Variants in CCNT2 observed in about 807,000 individuals in gnomAD.
The protein encoded by CCNT2 is cyclin-T2.
CCNT2 carries 18 observed loss-of-function variants against 70.0 expected under a neutral mutation model. The observed-to-expected ratio is 0.26, with a 90% CI of 0.18 to 0.38. The LOEUF (loss-of-function observed/expected upper bound fraction) is 0.38, where lower values mean the gene tolerates loss of function less well. CCNT2 is among the 10% of genes least tolerant of loss of function. The pLI is 1.00. For synonymous variants in CCNT2, 334 were observed against 313.3 expected (o/e 1.07, Z -0.70); for missense variants, 734 against 890.2 (o/e 0.82, Z 2.23).
At chr2:134,922,698 C>G (rs1679999795) in intron 2 of CCNT2, among the ~76,000 whole-genome samples, 1 of 152,134 alleles carries the variant, frequency 6.6e-6, no homozygotes, top group Admixed American at 6.5e-5. Flanking sequence ...AAGGTATATA[C>G]TGAGGGAAAG....
chr2:134,938,583 T>C (rs1471917563), intron 3 of CCNT2, among the ~76,000 whole-genome samples: 1 of 152,188 alleles, frequency 6.6e-6, no homozygotes, highest in East Asian at 1.9e-4. Flanking sequence ...TTTTGAGGAA[T>C]TACCACATGA....
intron 2 of CCNT2, among the ~76,000 whole-genome samples, chr2:134,926,421 T>C (rs1356031027): frequency 1.3e-5 from 2 of 152,200 alleles, no homozygotes; most frequent in Non-Finnish European, 2.9e-5. Flanking sequence ...CTTCTTCCTA[T>C]CTTGCTGATT....
chr2:134,932,732 T>G (rs1458849408), intron 2 of CCNT2, among the ~76,000 whole-genome samples: 4 of 152,250 alleles, frequency 2.6e-5, no homozygotes, highest in Non-Finnish European at 4.4e-5. Flanking sequence ...TGCTGGAATT[T>G]TGGTTTGATA....
In CCNT2 at chr2:134,951,772, A is replaced by G. The variant is rs192963296; in HGVS notation, c.704-869A>G. ...CCTGGTACTAACATCTTACATAACAATATATGATTATCAAAACTAGGAAGT... is the reference window on the plus strand; with the variant it reads ...CCTGGTACTAACATCTTACATAACAGTATATGATTATCAAAACTAGGAAGT... On this transcript the variant is annotated intron_variant, in intron 7 of 8. Transcript: ENST00000264157. 5.3e-5 allele frequency among the ~76,000 whole-genome samples: 8 copies of G among 152,324 alleles called. No homozygotes were observed. In the East Asian group the frequency reaches 1.5e-3, roughly 29 times the overall value.
chr2:134,933,464 G>A (rs1211244835), intron 2 of CCNT2, among the ~76,000 whole-genome samples: 3 of 152,096 alleles, frequency 2.0e-5, no homozygotes, highest in African/African-American at 7.2e-5. Flanking sequence ...AGCAGAGAGG[G>A]GAGACAGCAG....
intron 2 of CCNT2, chr2:134,920,155 G>C: frequency 3.3e-6 from 1 of 299,556 alleles, no homozygotes. Context: ...TTATTACATA[G>C]GTTTTCTTCA....
chr2:134,953,849 A>G lies in CCNT2; in HGVS notation c.1394A>G (p.His465Arg). The G allele has an allele frequency of 6.2e-7, 1 of 1,614,178 alleles. No individual in the cohort carries two copies. Among genetic ancestry groups the G allele is most frequent in the South Asian group, 1.1e-5 (1 of 91,088 alleles). ...HYIAAQVEQQ[H>R]KQGQSQAASS... Reference sequence around the variant, plus strand: ...ATAGCTGCCCAGGTAGAACAGCAGCACAAACAAGGGCAGTCACAGGCAGCC... The same window carrying G: ...ATAGCTGCCCAGGTAGAACAGCAGCGCAAACAAGGGCAGTCACAGGCAGCC... Residue 465 changes from histidine (H) to arginine (R), a missense_variant, in exon 9 of 9, where the codon CAC becomes CGC. Transcript: ENST00000264157.
chr2:134,947,367 T>G (rs905208738), intron 6 of CCNT2, among the ~76,000 whole-genome samples: 2 of 152,170 alleles, frequency 1.3e-5, no homozygotes, highest in African/African-American at 4.8e-5. Context: ...CATTTACATA[T>G]TTACCATGAC....
intron 4 of CCNT2, among the ~76,000 whole-genome samples, chr2:134,939,948 T>C (rs997670207): frequency 1.3e-5 from 2 of 152,196 alleles, no homozygotes; most frequent in Admixed American, 6.5e-5. Context: ...AAGAACCTAC[T>C]AGGATGTGGT....
chr2:134,920,793 A>G (rs1328145452), intron 2 of CCNT2, among the ~76,000 whole-genome samples: 1 of 152,222 alleles, frequency 6.6e-6, no homozygotes, highest in Non-Finnish European at 1.5e-5. Context: ...GTGGATAGTC[A>G]TTAGGACTTA....
intron 2 of CCNT2, among the ~76,000 whole-genome samples, chr2:134,921,774 C>A (rs1207394691): frequency 6.6e-6 from 1 of 152,222 alleles, no homozygotes; most frequent in Admixed American, 6.5e-5. Flanking sequence ...CATTTGCATT[C>A]TAGCTTTCAC....
In CCNT2 at chr2:134,939,161, G is replaced by A. The variant is rs1681379536; in HGVS notation, c.430+99G>A. ...TGAAATAATTGTATTATTGAAGAAA[G>A]TTATTTTAAAACAGGTTTTAGACAG... On this transcript the variant is annotated intron_variant, in intron 4 of 8. Transcript: ENST00000264157. 23 of 884,150 alleles carry A rather than the reference G, an allele frequency of 2.6e-5. No homozygotes were observed. In the South Asian group the frequency reaches 3.6e-4, roughly 14 times the overall value. 54.8% of individuals were successfully genotyped at this position (884,150 alleles called of 1,614,324 possible). A position where few individuals can be genotyped will look rare whatever the true frequency, so the allele number is the denominator to read the frequency against.
At chr2:134,920,038 G>A (rs1679771905) in intron 2 of CCNT2, 147 bp downstream of exon 2, 2 of 540,204 alleles carry the variant, frequency 3.7e-6, no homozygotes, top group Non-Finnish European at 6.5e-6. Flanking sequence ...CTTCAGATGC[G>A]GTGTTTTTGT....
At chr2:134,920,854 A>G (rs1271601722) in intron 2 of CCNT2, among the ~76,000 whole-genome samples, 1 of 152,224 alleles carries the variant, frequency 6.6e-6, no homozygotes, top group Non-Finnish European at 1.5e-5. Context: ...TATTTTTGAA[A>G]TGGAAGGAAA....
intron 4 of CCNT2, among the ~76,000 whole-genome samples, chr2:134,939,447 T>C (rs1681402822): frequency 6.6e-6 from 1 of 151,812 alleles, no homozygotes; most frequent in South Asian, 2.1e-4. Context: ...GTATATCACC[T>C]TTTTTATTTT....
At chr2:134,951,576 C>A (rs1054122988) in intron 7 of CCNT2, among the ~76,000 whole-genome samples, 8 of 152,014 alleles carry the variant, frequency 5.3e-5, no homozygotes, top group East Asian at 1.9e-4. Flanking sequence ...TGTGGTGGCT[C>A]ACACCTGTAA....
intron 2 of CCNT2, among the ~76,000 whole-genome samples, chr2:134,932,446 A>G (rs1212833810): frequency 6.6e-6 from 1 of 152,198 alleles, no homozygotes; most frequent in African/African-American, 2.4e-5. Flanking sequence ...TATTCTCTTA[A>G]TCAGTACTGC....
In CCNT2 at chr2:134,953,322, A is replaced by G; in HGVS notation, c.867A>G (p.Val289=). 6.2e-7 allele frequency: 1 copy of G among 1,611,966 alleles called. No homozygotes were observed. The highest frequency in any genetic ancestry group is 2.2e-5 in the East Asian group (1 of 44,834). The change falls in exon 9 of 9, where the codon GTA becomes GTG. Residue 289 remains valine, a synonymous_variant. Transcript: ENST00000264157. ...GSSLVQNSIL[V]DSVTGVPTNP... ...CTTTGGTCCAGAATTCCATTTTAGT[A>G]GATAGTGTCACTGGTGTGCCTACAA...
At chr2:134,919,654 C>A (rs1679722796) in intron 1 of CCNT2, among the ~76,000 whole-genome samples, 156 bp from the exon 2 acceptor site, 1 of 152,128 alleles carries the variant, frequency 6.6e-6, no homozygotes, top group South Asian at 2.1e-4. Flanking sequence ...CTCTTCCTGC[C>A]GCCCCACCCC....
Sources: gnomAD v4.1 joint callset for allele counts (sites outside exome capture counted in the v4.1 genomes callset) on GRCh38, gnomAD v4.1.1 for gene constraint, MANE v1.5 for transcripts, NCBI Gene and HGNC (gene_info 2026-07-23, HGNC 2026-07-21) for gene names.